The following SCTR variants were observed in gnomAD, a reference collection of about 807,000 sequenced individuals.
SCTR encodes secretin receptor.
Under a neutral mutation model 60.8 loss-of-function variants are expected in SCTR, and 56 were observed. The observed-to-expected ratio is 0.92, with a 90% confidence interval of 0.74 to 1.15. The LOEUF is 1.15. Among genes scored for constraint, SCTR ranks in the 50% most tolerant of loss-of-function variants. The pLI is 0.00. For synonymous variants in SCTR, 202 were observed against 217.0 expected (o/e 0.93, Z 0.61); for missense variants, 562 against 550.4 (o/e 1.02, Z -0.21).
intron 1 of SCTR, among the ~76,000 whole-genome samples, chr2:119,518,905 G>A (rs548249049): frequency 2.6e-5 from 4 of 152,274 alleles, no homozygotes; most frequent in African/African-American, 9.6e-5. Context: ...GGGATCATGA[G>A]GACAGGGTGA....
intron 3 of SCTR, chr2:119,476,558 G>A (rs1677322698): frequency 6.6e-6 from 1 of 152,220 alleles, no homozygotes; most frequent in Non-Finnish European, 1.5e-5. Flanking sequence ...GAGACACTGA[G>A]CCTTTACGTA....
rs551996255 is a variant in SCTR at position 119,465,818 on chromosome 2, C to T, written c.474G>A (p.Leu158=). The change falls in exon 5 of 13, where the codon CTG becomes CTA. Residue 158 remains leucine (L), a synonymous_variant. Transcript: ENST00000019103. The part of the protein sequence containing the change: ...VGYSSSLVML[L]VALGILCAFR... The stretch of plus-strand genomic sequence containing the variant: ...AAGCACAGAGGATGCCAAGGGCGAC[C>T]AGGAGCATGACCAGGGAGGAGCTGT... The T allele has an allele frequency of 1.9e-6, 3 of 1,613,972 alleles. No individual in the cohort carries two copies. In the South Asian group the frequency reaches 3.3e-5, roughly 18 times the overall value.
chr2:119,479,664 G>C (rs1436090660), intron 2 of SCTR: 1 of 152,180 alleles, frequency 6.6e-6, no homozygotes, highest in Non-Finnish European at 1.5e-5. Flanking sequence ...CACTGTATTT[G>C]CTGCAAGAAT....
chr2:119,444,452 C>T (rs62646444), intron 11 of SCTR, among the ~76,000 whole-genome samples: 61,120 of 70,300 alleles, frequency 0.87, 27,195 homozygotes, highest in East Asian at 0.91. Context: ...TATATACGTA[C>T]GTATATATAT....
At chr2:119,477,893 T>C (rs1205138259) in intron 3 of SCTR, among the ~76,000 whole-genome samples, 2 of 152,126 alleles carry the variant, frequency 1.3e-5, no homozygotes, top group Non-Finnish European at 1.5e-5. Context: ...GTTCCCATAG[T>C]GTAGGGTGTT....
At chr2:119,452,631 C>T (rs1354328876) in intron 8 of SCTR, among the ~76,000 whole-genome samples, 1 of 152,134 alleles carries the variant, frequency 6.6e-6, no homozygotes, top group Non-Finnish European at 1.5e-5. Context: ...TCACCCAATA[C>T]AAAAATTACT....
chr2:119,447,378 T>A (rs527353546), intron 10 of SCTR, among the ~76,000 whole-genome samples: 1 of 152,214 alleles, frequency 6.6e-6, no homozygotes, highest in East Asian at 1.9e-4. Flanking sequence ...CATGTGGGGG[T>A]ATAAATATTG....
chr2:119,524,361 C>T lies in SCTR; in HGVS notation c.-135G>A. On this transcript the variant is annotated 5_prime_UTR_variant, in exon 1 of 13. The change creates a new upstream start codon in the 5' untranslated region. Transcript: ENST00000019103. ...GCCCCGAGGAGCCATGGCTGAGCCA[C>T]CCGACCTGCGGCGGGCCCCGGGACT... 1 of 518,124 alleles carries T rather than the reference C, an allele frequency of 1.9e-6. No homozygotes were observed. The highest frequency in any genetic ancestry group is 3.1e-6 in the Non-Finnish European group (1 of 325,506). The allele number at this position is 518,124 out of a possible 1,614,324, so 32.1% of individuals were successfully genotyped here. A position where few individuals can be genotyped will look rare whatever the true frequency, so the allele number is the denominator to read the frequency against.
At chr2:119,455,809 T>C (rs532602617) in intron 7 of SCTR, among the ~76,000 whole-genome samples, 47 of 152,120 alleles carry the variant, frequency 3.1e-4, no homozygotes, top group South Asian at 8.3e-4. Flanking sequence ...ATTAAATAGA[T>C]AATGTAAGAA....
Position 119,506,470 on chromosome 2 carries a change from A to ATATTTATT in SCTR, c.73-11930_73-11923dup, listed in dbSNP as rs76472643. Among the ~76,000 whole-genome samples the ATATTTATT allele has an allele frequency of 6.3e-3, 946 of 149,264 alleles. 3 individuals are homozygous for ATATTTATT. The highest frequency in any genetic ancestry group is 0.011 in the Middle Eastern group (3 of 280). On this transcript the variant is annotated intron_variant, in intron 1 of 12. Coordinates refer to ENST00000019103, the MANE Select transcript of SCTR (RefSeq NM_002980.3). ...ATAGCATTCCTTATTTTATTTTATAATATTTATTTATTTATTTATTTATCT... is the reference window on the plus strand; with the variant it reads ...ATAGCATTCCTTATTTTATTTTATAATATTTATTTATTTATTTATTTATTTATTTATCT...
chr2:119,518,378 T>G (rs1679178247), intron 1 of SCTR, among the ~76,000 whole-genome samples: 1 of 144,146 alleles, frequency 6.9e-6, no homozygotes, highest in African/African-American at 2.9e-5. Context: ...GGTGAGAAAT[T>G]TGAAAGACAC....
chr2:119,461,184 G>A (rs1402505016), intron 7 of SCTR, among the ~76,000 whole-genome samples: 1 of 152,190 alleles, frequency 6.6e-6, no homozygotes, highest in Non-Finnish European at 1.5e-5. Context: ...ATGTTTAAAG[G>A]TTTACAGATT....
At chr2:119,522,462 T>C (rs1206386078) in intron 1 of SCTR, among the ~76,000 whole-genome samples, 1 of 152,138 alleles carries the variant, frequency 6.6e-6, no homozygotes, top group Non-Finnish European at 1.5e-5. Context: ...AACTTGCTGA[T>C]CTCGGGCAGC....
intron 10 of SCTR, among the ~76,000 whole-genome samples, chr2:119,447,415 T>C (rs1048127126): frequency 4.6e-5 from 7 of 152,282 alleles, no homozygotes; most frequent in Middle Eastern, 3.4e-3. Flanking sequence ...TTATCCAAAA[T>C]TCAAATGTAA....
At chr2:119,470,716 T>C (rs969430622) in intron 4 of SCTR, among the ~76,000 whole-genome samples, 1 of 152,178 alleles carries the variant, frequency 6.6e-6, no homozygotes. Context: ...TTTTCCTATT[T>C]TGGGGGCAGA....
At chr2:119,514,704 C>T (rs1679058474) in intron 1 of SCTR, among the ~76,000 whole-genome samples, 1 of 152,024 alleles carries the variant, frequency 6.6e-6, no homozygotes, top group African/African-American at 2.4e-5. Context: ...GGAGAAACCC[C>T]GTCTCTACTA....
Position 119,478,794 on chromosome 2 carries a change from A to G in SCTR, c.301+17T>C. ...CCCCTCAGCCTGTCCGCCAGGCCCC[A>G]TGGGCCGAGTGGTTACCATTTCTGC... On this transcript the variant is annotated intron_variant, in intron 3 of 12. Coordinates refer to ENST00000019103, the MANE Select transcript of SCTR (RefSeq NM_002980.3). The G allele has an allele frequency of 6.2e-7, 1 of 1,613,536 alleles. No homozygotes were observed. Among genetic ancestry groups the G allele is most frequent in the African/African-American group, 1.3e-5 (1 of 75,032 alleles).
At chr2:119,463,320 C>T (rs11884403) in intron 6 of SCTR, among the ~76,000 whole-genome samples, 21,656 of 152,140 alleles carry the variant, frequency 0.14, 1,765 homozygotes, top group East Asian at 0.3. Flanking sequence ...AATAGAAAGG[C>T]AAAGCTGCCC....
rs1482479345 is a variant in SCTR at position 119,446,849 on chromosome 2, G to A, written c.1050C>T (p.Leu350=). 3.8e-6 allele frequency: 6 copies of A among 1,578,062 alleles called. No individual in the cohort carries two copies. The highest frequency in any genetic ancestry group is 2.3e-5 in the South Asian group (2 of 85,412). Residue 350 remains leucine (L), a synonymous_variant, in exon 11 of 13, where the codon CTC becomes CTT. Coordinates refer to ENST00000019103, the MANE Select transcript of SCTR (RefSeq NM_002980.3). The part of the protein sequence containing the change: ...LARSTLLLIP[L]FGIHYIVFAF... Reference sequence around the variant, plus strand: ...CGAAGACGATGTAGTGGATGCCAAAGAGGGGGATCAGCAGGAGAGTGGACC... The same window carrying A: ...CGAAGACGATGTAGTGGATGCCAAAAAGGGGGATCAGCAGGAGAGTGGACC...
Sources: allele counts gnomAD v4.1 joint callset (sites outside exome capture counted in the v4.1 genomes callset), GRCh38; gene constraint gnomAD v4.1.1; transcripts MANE v1.5; gene names NCBI Gene and HGNC (gene_info 2026-07-23, HGNC 2026-07-21).